MAP2: variants seen among roughly 807,000 people sequenced by gnomAD.
The protein encoded by MAP2 is microtubule associated protein 2, also known as microtubule-associated protein 2.
A neutral mutation model predicts 137.6 loss-of-function variants in MAP2; 14 were observed. The observed-to-expected ratio is 0.10, with a 90% CI of 0.07 to 0.16. The LOEUF is 0.16. Among genes scored for constraint, MAP2 ranks in the 10% least tolerant of loss-of-function variants. The probability of loss-of-function intolerance (pLI) is 1.00; values close to 1 mark genes in which losing one functional copy is unlikely to be tolerated. For missense variants in MAP2, 2,088 were observed against 2,191.5 expected, an observed-to-expected ratio of 0.95 and a Z score of 0.94; for synonymous variants, 786 against 782.3, an observed-to-expected ratio of 1.00 and a Z score of -0.08.
rs375670986 is a variant in MAP2, at chr2:209,674,890, A to G, written c.263-3682A>G. Among the ~76,000 whole-genome samples the G allele has an allele frequency of 3.1e-3, 470 of 151,910 alleles. 5 individuals are homozygous for G. In the South Asian group the frequency reaches 0.031, roughly 10 times the overall value. The stretch of plus-strand genomic sequence containing the variant: ...GCTATAAGGATGAAGCTCACCCAGT[A>G]GATCTGCTGATGAGGCTTCCAATGA... On this transcript the variant is annotated intron_variant, in intron 5 of 15. Transcript: ENST00000682079.
At chr2:209,491,247 A>C (rs2059072672) in intron 1 of MAP2, among the ~76,000 whole-genome samples, 1 of 152,246 alleles carries the variant, frequency 6.6e-6, no homozygotes, top group South Asian at 2.1e-4. Context: ...TTTGAAACTA[A>C]TGAGAACAAA....
Position 209,453,573 on chromosome 2 carries a change from C to T in MAP2, c.-222+29297C>T, listed in dbSNP as rs554841378. Reference sequence around the variant, plus strand: ...ATGACTGTTACTGTTTATATTTTTTCCTAAAAATTAAAGCCTAAATCATCT... The same window carrying T: ...ATGACTGTTACTGTTTATATTTTTTTCTAAAAATTAAAGCCTAAATCATCT... On this transcript the variant is annotated intron_variant, in intron 1 of 15. Transcript: ENST00000682079. Among the ~76,000 whole-genome samples the T allele has an allele frequency of 6.1e-4, 93 of 152,176 alleles. 1 individual carries two copies. The highest frequency in any genetic ancestry group is 1.1e-3 in the Non-Finnish European group (73 of 68,002).
intron 1 of MAP2, among the ~76,000 whole-genome samples, chr2:209,494,920 T>C (rs926653066): frequency 5.3e-5 from 8 of 152,240 alleles, no homozygotes; most frequent in Non-Finnish European, 8.8e-5. Context: ...GAGAATTATA[T>C]AGGTAGGAAA....
intron 2 of MAP2, among the ~76,000 whole-genome samples, chr2:209,565,736 A>T (rs2073261007): frequency 6.6e-6 from 1 of 152,182 alleles, no homozygotes; most frequent in Non-Finnish European, 1.5e-5. Flanking sequence ...TCCAACAAGA[A>T]ATCACAAATT....
chr2:209,699,568 C>A (rs1387785174), intron 10 of MAP2, among the ~76,000 whole-genome samples: 1 of 152,086 alleles, frequency 6.6e-6, no homozygotes, highest in Non-Finnish European at 1.5e-5. Flanking sequence ...CATAAAACAG[C>A]AGCAAGAGAA....
At chr2:209,618,499 G>A (rs917002934) in intron 3 of MAP2, among the ~76,000 whole-genome samples, 1 of 152,098 alleles carries the variant, frequency 6.6e-6, no homozygotes, top group African/African-American at 2.4e-5. Context: ...ATGTGAACCT[G>A]CTCAATTTCC....
chr2:209,694,207 T>C lies in MAP2; in HGVS notation c.2037T>C (p.Asp679=), dbSNP rs35994200. Reference sequence around the variant, plus strand: ...GGGACCTCCACAGTAAGAATAAGGATGATTTGACCCTTAGCAGGAGTTTAG... The same window carrying C: ...GGGACCTCCACAGTAAGAATAAGGACGATTTGACCCTTAGCAGGAGTTTAG... ...EKRDLHSKNK[D]DLTLSRSLGL... Residue 679 remains aspartate, a synonymous_variant, in exon 8 of 16, where the codon GAT becomes GAC. Transcript: ENST00000682079. 2.3e-3 allele frequency: 3,651 copies of C among 1,614,060 alleles called. 56 individuals are homozygous for C. The African/African-American group carries it at 0.043, about 19-fold the overall frequency.
chr2:209,543,312 A>G (rs964423046), intron 2 of MAP2, among the ~76,000 whole-genome samples: 1 of 152,218 alleles, frequency 6.6e-6, no homozygotes, highest in African/African-American at 2.4e-5. Flanking sequence ...AGTAACGTCA[A>G]AGATCACTGA....
chr2:209,570,529 T>C (rs1355212372), intron 2 of MAP2, among the ~76,000 whole-genome samples: 1 of 151,940 alleles, frequency 6.6e-6, no homozygotes, highest in East Asian at 1.9e-4. Context: ...CAGAATCATG[T>C]CATATGCTTT....
At chr2:209,489,695 G>A (rs1003173404) in intron 1 of MAP2, among the ~76,000 whole-genome samples, 2 of 152,070 alleles carry the variant, frequency 1.3e-5, no homozygotes, top group African/African-American at 4.8e-5. Context: ...GGATATCAGA[G>A]ATTGAAGATC....
intron 3 of MAP2, among the ~76,000 whole-genome samples, chr2:209,584,949 A>G (rs2077341582): frequency 6.6e-6 from 1 of 152,128 alleles, no homozygotes; most frequent in Non-Finnish European, 1.5e-5. Flanking sequence ...TTTTATTTTT[A>G]TTGTATCTCT....
chr2:209,489,953 T>C (rs914144871), intron 1 of MAP2, among the ~76,000 whole-genome samples: 8 of 152,006 alleles, frequency 5.3e-5, no homozygotes. Context: ...ACTGCAGAGA[T>C]ACTCCTTAAG....
At chr2:209,611,660 G>T (rs1043990603) in intron 3 of MAP2, among the ~76,000 whole-genome samples, 10 of 152,042 alleles carry the variant, frequency 6.6e-5, no homozygotes, top group Non-Finnish European at 1.5e-4. Flanking sequence ...TTCTTTTAGA[G>T]AGTGGAGTTA....
rs200057792 is a variant in MAP2, at chr2:209,434,933, T to TTA, written c.-222+10665_-222+10666dup. On this transcript the variant is annotated intron_variant, in intron 1 of 15. Coordinates refer to ENST00000682079, the MANE Select transcript of MAP2 (RefSeq NM_001375505.1). ...GTTATATATATGTTATATATATATG[T>TTA]TATATATATGTGTTTTATATATATA... 3.1e-3 allele frequency among the ~76,000 whole-genome samples: 437 copies of TTA among 142,132 alleles called. 7 individuals are homozygous for TTA. The highest frequency in any genetic ancestry group is 7.4e-3 in the Middle Eastern group (2 of 270). 93.2% of individuals were successfully genotyped at this position (142,132 alleles called of 152,430 possible). A position where few individuals can be genotyped will look rare whatever the true frequency, so the allele number is the denominator to read the frequency against.
At chr2:209,727,316 A>G (rs541662881) in intron 14 of MAP2, among the ~76,000 whole-genome samples, 8 of 152,238 alleles carry the variant, frequency 5.3e-5, no homozygotes, top group Non-Finnish European at 1.0e-4. Context: ...TGTCAACAGC[A>G]TGGCTGGAAT....
At chr2:209,722,119 T>C (rs1292950053) in intron 13 of MAP2, 1 of 152,258 alleles carries the variant, frequency 6.6e-6, no homozygotes, top group East Asian at 1.9e-4. Context: ...GAAACATTTA[T>C]AGTGCAACTA....
chr2:209,562,577 G>C (rs1335354170), intron 2 of MAP2, among the ~76,000 whole-genome samples: 1 of 151,954 alleles, frequency 6.6e-6, no homozygotes. Flanking sequence ...TGCACCTGTA[G>C]TCCCAGCTAC....
intron 1 of MAP2, among the ~76,000 whole-genome samples, chr2:209,460,142 A>G (rs540208062): frequency 2.6e-5 from 4 of 152,364 alleles, no homozygotes; most frequent in African/African-American, 9.6e-5. Flanking sequence ...TTGTGAGTAC[A>G]AATGTGATAT....
intron 1 of MAP2, among the ~76,000 whole-genome samples, chr2:209,440,604 G>A (rs118039002): frequency 6.6e-6 from 1 of 151,578 alleles, no homozygotes; most frequent in East Asian, 1.9e-4. Flanking sequence ...AGTCATCTTA[G>A]CTACCTGTTT....
Sources: gnomAD v4.1 joint callset for allele counts (sites outside exome capture counted in the v4.1 genomes callset) on GRCh38, gnomAD v4.1.1 for gene constraint, MANE v1.5 for transcripts, NCBI Gene and HGNC (gene_info 2026-07-23, HGNC 2026-07-21) for gene names.